SEPTIN5: variants seen among roughly 807,000 people sequenced by gnomAD.
SEPTIN5 encodes septin-5.
SEPTIN5 carries 16 observed loss-of-function variants against 51.2 expected under a neutral mutation model. The ratio of observed to expected loss-of-function variants is 0.31; its 90% CI spans 0.21 to 0.47. SEPTIN5 has a LOEUF of 0.47. Ranked by LOEUF, SEPTIN5 falls within the 20% of genes least tolerant of loss-of-function variation. SEPTIN5 has a pLI of 0.99. For synonymous variants in SEPTIN5, 208 were observed against 191.2 expected, an observed-to-expected ratio of 1.09 and a Z score of -0.72; for missense variants, 376 against 500.3, an observed-to-expected ratio of 0.75 and a Z score of 2.37.
At position 19,714,537 on chromosome 22, in the gene SEPTIN5, C is replaced by T. The variant is rs2518845; in HGVS notation, c.-52C>T. The T allele has an allele frequency of 3.1e-6, 4 of 1,290,278 alleles. No individual in the cohort carries two copies. The highest frequency in any genetic ancestry group is 2.0e-5 in the South Asian group (1 of 50,166). 79.9% of individuals were successfully genotyped at this position (1,290,278 alleles called of 1,614,324 possible). A position where few individuals can be genotyped will look rare whatever the true frequency, so the allele number is the denominator to read the frequency against. ...CCCGGCCTCGGCCTCCGCCGCTTGT[C>T]GTCGCGCCCCGCCCGCGAGCCCGCC... is the stretch of plus-strand genomic sequence containing the variant. On this transcript the variant is annotated 5_prime_UTR_variant, in exon 1 of 12. Coordinates refer to ENST00000455784, the MANE Select transcript of SEPTIN5 (RefSeq NM_002688.6). The surrounding 1 kb of genome is among the most constrained non-coding windows in gnomAD (Gnocchi z 5.2).
At chr22:19,718,385 C>A in intron 2 of SEPTIN5, 1 of 1,021,528 alleles carries the variant, frequency 9.8e-7, no homozygotes, top group South Asian at 4.4e-5. Flanking sequence ...GACCGTTTCC[C>A]GGCGACGGCG....
intron 3 of SEPTIN5, 30 bp downstream of exon 3, chr22:19,719,728 G>T: frequency 6.2e-7 from 1 of 1,611,184 alleles, no homozygotes; most frequent in South Asian, 1.1e-5. Flanking sequence ...CGGGGGAGTG[G>T]CTGGGGTCAC....
At chr22:19,721,519 T>G in intron 8 of SEPTIN5, 121 bp from the exon 9 acceptor site, 6 of 1,060,562 alleles carry the variant, frequency 5.7e-6, no homozygotes, top group South Asian at 1.4e-5. Flanking sequence ...CAGGATCTCT[T>G]TGAGGAGAGA....
intron 2 of SEPTIN5, among the ~76,000 whole-genome samples, chr22:19,716,239 G>C (rs1170218848): frequency 6.6e-6 from 1 of 152,246 alleles, no homozygotes; most frequent in African/African-American, 2.4e-5. Flanking sequence ...GCCAGGCCAG[G>C]TGTCTGGGTG....
chr22:19,718,445 G>A (rs1935951121), intron 2 of SEPTIN5: 1 of 1,103,112 alleles, frequency 9.1e-7, no homozygotes, highest in African/African-American at 1.6e-5. Flanking sequence ...GGGCGCCTGC[G>A]ACGCCCCGCC....
chr22:19,717,446 G>A, intron 2 of SEPTIN5: 1 of 435,722 alleles, frequency 2.3e-6, no homozygotes, highest in South Asian at 1.7e-5. Context: ...GTCAGAGCTG[G>A]TGAGGATGCT....
chr22:19,722,161 T>TGGGCCAGGCATCGCC, intron 10 of SEPTIN5, 76 bp from the exon 11 acceptor site: 1 of 1,242,958 alleles, frequency 8.0e-7, no homozygotes, highest in Non-Finnish European at 1.1e-6. Context: ...GTGGCGGGGA[T>TGGGCCAGGCATCGCC]GGGCCAGGCA....
At position 19,722,527 on chromosome 22, in the gene SEPTIN5, A is replaced by G; in HGVS notation, c.*43A>G. ...CCGTCCGTCTCCGGGACGCCCTCGC[A>G]CCCCTGGACACCAGACCGGACTGTT... On this transcript the variant is annotated 3_prime_UTR_variant, in exon 12 of 12. Coordinates refer to ENST00000455784, the MANE Select transcript of SEPTIN5 (RefSeq NM_002688.6). The G allele has an allele frequency of 1.3e-6, 2 of 1,552,566 alleles. No individual in the cohort carries two copies. Among genetic ancestry groups the G allele is most frequent in the Non-Finnish European group, 1.7e-6 (2 of 1,147,110 alleles).
rs948153439 is a variant in SEPTIN5, at chr22:19,718,835, G to T, written c.55-767G>T. On this transcript the variant is annotated intron_variant, in intron 2 of 11. Transcript: ENST00000455784. ...CGGCTCAAGGTGCGTGTGTGGAGAG[G>T]GCGGAACGTGGGTCTGTGACCCCGC... is the stretch of plus-strand genomic sequence containing the variant. The T allele has an allele frequency of 1.1e-5, 13 of 1,235,730 alleles. No homozygotes were observed. The Admixed American group carries it at 1.2e-4, about 12-fold the overall frequency. The allele number at this position is 1,235,730 out of a possible 1,614,324, so 76.5% of individuals were successfully genotyped here.
rs1936076793 is a variant in SEPTIN5, at chr22:19,722,864, G to C, written c.*380G>C. 1 of 455,912 alleles carries C rather than the reference G, an allele frequency of 2.2e-6. No homozygotes were observed. Among genetic ancestry groups the C allele is most frequent in the Admixed American group, 3.4e-5 (1 of 29,100 alleles). 28.2% of individuals were successfully genotyped at this position (455,912 alleles called of 1,614,324 possible). ...GTTCCCTGCCCCAGTGCTGCAGAACGGACTTGGGAGCCCTCCTTTGCCTGC... is the reference window on the plus strand; with the variant it reads ...GTTCCCTGCCCCAGTGCTGCAGAACCGACTTGGGAGCCCTCCTTTGCCTGC... On this transcript the variant is annotated 3_prime_UTR_variant, in exon 12 of 12. Transcript: ENST00000455784.
At position 19,722,259 on chromosome 22, in the gene SEPTIN5, A is replaced by C. The variant is rs1387339439; in HGVS notation, c.973A>C (p.Met325Leu). ...CAGCAAACTGACCCAGGACAGCCGC[A>C]TGGAGAGCCCCATCCCGATCCTGCC... ...MTSKLTQDSR[M>L]ESPIPILPLP... Residue 325 changes from methionine (M) to leucine (L), a missense_variant, in exon 11 of 12, where the codon ATG (methionine) becomes CTG (leucine). Coordinates refer to ENST00000455784, the MANE Select transcript of SEPTIN5 (RefSeq NM_002688.6). 2 of 1,607,544 alleles carry C rather than the reference A, an allele frequency of 1.2e-6. No homozygotes were observed. Among genetic ancestry groups the C allele is most frequent in the Admixed American group, 1.7e-5 (1 of 59,730 alleles).
At chr22:19,720,899 G>T in intron 8 of SEPTIN5, 30 bp downstream of exon 8, 1 of 1,585,556 alleles carries the variant, frequency 6.3e-7, no homozygotes, top group Non-Finnish European at 8.7e-7. Flanking sequence ...GGGCAGGGGG[G>T]ATGGAGCTGG....
chr22:19,715,124 A>G (rs893939432), intron 2 of SEPTIN5, among the ~76,000 whole-genome samples: 3 of 152,166 alleles, frequency 2.0e-5, no homozygotes, highest in Non-Finnish European at 4.4e-5. Flanking sequence ...GGGTGAGGCC[A>G]TGGTCGTGGC....
intron 2 of SEPTIN5, chr22:19,718,428 G>A (rs983609727): frequency 9.3e-6 from 10 of 1,072,206 alleles, no homozygotes; most frequent in Non-Finnish European, 1.1e-5. Flanking sequence ...CCCGCCGCGC[G>A]CTCCGCGGGC....
intron 2 of SEPTIN5, 159 bp from the exon 3 acceptor site, chr22:19,719,443 G>A: frequency 1.6e-6 from 1 of 612,236 alleles, no homozygotes. Context: ...TTATCTCCAG[G>A]CTTTTGCCCA....
chr22:19,717,753 G>A (rs1935935090), intron 2 of SEPTIN5: 1 of 255,976 alleles, frequency 3.9e-6, no homozygotes, highest in African/African-American at 2.3e-5. Context: ...GAATGTCTTG[G>A]GAAAGAGTCC....
intron 8 of SEPTIN5, 24 bp from the exon 9 acceptor site, chr22:19,721,616 A>T: frequency 6.2e-7 from 1 of 1,612,056 alleles, no homozygotes; most frequent in Non-Finnish European, 8.5e-7. Context: ...ACCGGGTGTG[A>T]GCCTTTCTCC....
At chr22:19,721,190 A>G (rs1034667895) in intron 8 of SEPTIN5, among the ~76,000 whole-genome samples, 1 of 152,200 alleles carries the variant, frequency 6.6e-6, no homozygotes, top group African/African-American at 2.4e-5. Flanking sequence ...GGGTCACCAG[A>G]GGAAGGGGCT....
At chr22:19,717,471 A>G (rs902857916) in intron 2 of SEPTIN5, 6 of 397,992 alleles carry the variant, frequency 1.5e-5, no homozygotes, top group African/African-American at 1.3e-4. Context: ...GGGCAAGGGA[A>G]TGTCCACAGA....
Sources: gnomAD v4.1 joint callset for allele counts (sites outside exome capture counted in the v4.1 genomes callset) on GRCh38, gnomAD v4.1.1 for gene constraint, Gnocchi (gnomAD v3.1) non-coding constraint, MANE v1.5 for transcripts, NCBI Gene and HGNC (gene_info 2026-07-23, HGNC 2026-07-21) for gene names.